Variants in GBE1 observed in about 807,000 individuals in gnomAD.
The protein encoded by GBE1 is 1,4-alpha-glucan branching enzyme 1.
In GBE1, 70 loss-of-function variants were observed where a neutral mutation model predicts 88.8. That is an observed-to-expected ratio of 0.79 (90% CI 0.65 to 0.96). GBE1 has a LOEUF of 0.96. Ranked by LOEUF, GBE1 falls within the 40% of genes least tolerant of loss-of-function variation. The pLI, the probability that GBE1 is intolerant of heterozygous loss-of-function variation, is 0.00. For missense variants in GBE1, 872 were observed against 871.0 expected (o/e 1.00, Z -0.01); for synonymous variants, 284 against 300.1 (o/e 0.95, Z 0.56).
intron 7 of GBE1, among the ~76,000 whole-genome samples, chr3:81,621,984 G>A (rs1179344395): frequency 1.3e-5 from 2 of 152,068 alleles, no homozygotes; most frequent in Non-Finnish European, 2.9e-5. Context: ...AATTGCCCCT[G>A]CATTTTTCTA....
At chr3:81,729,311 G>A (rs1243047149) in intron 1 of GBE1, among the ~76,000 whole-genome samples, 2 of 152,104 alleles carry the variant, frequency 1.3e-5, no homozygotes, top group Non-Finnish European at 2.9e-5. Context: ...TCATGGGCAG[G>A]TCCCAGTGGC....
rs1244816374 is a variant in GBE1, at chr3:81,646,085, A to G, written c.782+307T>C. Among the ~76,000 whole-genome samples the G allele has an allele frequency of 2.0e-5, 3 of 152,192 alleles. 1 individual carries two copies. On this transcript the variant is annotated intron_variant, in intron 6 of 15. Coordinates refer to ENST00000429644, the MANE Select transcript of GBE1 (RefSeq NM_000158.4). ...TCCAGAAAACGATGTGCTCTCTCAC[A>G]ATAATGGCTTTCATAGGAAAAGATT...
At chr3:81,622,007 G>A (rs913254328) in intron 7 of GBE1, among the ~76,000 whole-genome samples, 2 of 152,108 alleles carry the variant, frequency 1.3e-5, no homozygotes, top group Non-Finnish European at 2.9e-5. Flanking sequence ...AACCCTATCA[G>A]CTAAATCCCA....
At chr3:81,639,351 A>T (rs66567246) in intron 7 of GBE1, among the ~76,000 whole-genome samples, 42,035 of 109,102 alleles carry the variant, frequency 0.39, 5,978 homozygotes, top group East Asian at 0.5. Context: ...ATTTTTTTTT[A>T]AAAAAAATGG....
chr3:81,553,353 T>C (rs1389736778), intron 12 of GBE1, among the ~76,000 whole-genome samples: 1 of 152,096 alleles, frequency 6.6e-6, no homozygotes, highest in Non-Finnish European at 1.5e-5. Flanking sequence ...TCTTTACTAA[T>C]GAAAGTATTT....
Position 81,743,556 on chromosome 3 carries a change from C to T in GBE1, c.143+17819G>A, listed in dbSNP as rs928564595. 11 of 1,532,016 alleles carry T rather than the reference C, an allele frequency of 7.2e-6. No individual in the cohort carries two copies. The African/African-American group carries it at 1.5e-4, about 21-fold the overall frequency. The allele number at this position is 1,532,016 out of a possible 1,614,324, so 94.9% of individuals were successfully genotyped here. On this transcript the variant is annotated intron_variant, in intron 1 of 15. Coordinates refer to ENST00000429644, the MANE Select transcript of GBE1 (RefSeq NM_000158.4). The stretch of plus-strand genomic sequence containing the variant: ...AAATAATGCAAGTCATAATGAGTCA[C>T]CTCACTTTAGCAAGATTCATGGGAC...
intron 7 of GBE1, among the ~76,000 whole-genome samples, chr3:81,614,755 A>T (rs1029399581): frequency 3.3e-5 from 5 of 152,144 alleles, no homozygotes; most frequent in African/African-American, 1.2e-4. Context: ...GCTACTCAGG[A>T]GGCTGAGGCA....
chr3:81,613,082 GA>G, intron 7 of GBE1: 1 of 631,814 alleles, frequency 1.6e-6, no homozygotes, highest in Non-Finnish European at 2.4e-6. Flanking sequence ...ATGACTAATA[GA>G]ACACTGATGG....
chr3:81,685,077 G>A (rs1705413573), intron 2 of GBE1, among the ~76,000 whole-genome samples: 1 of 152,190 alleles, frequency 6.6e-6, no homozygotes, highest in Non-Finnish European at 1.5e-5. Context: ...GCAAGCCAGA[G>A]AGACACATAG....
rs146234207 is a variant in GBE1 at position 81,681,854 on chromosome 3, C to T, written c.314-10901G>A. ...GTCAGAACTAAAACTAGAAAACATACGGCAATCTTTGTAATCTCTGTTCTT... is the reference window on the plus strand; with the variant it reads ...GTCAGAACTAAAACTAGAAAACATATGGCAATCTTTGTAATCTCTGTTCTT... On this transcript the variant is annotated intron_variant, in intron 2 of 15. Transcript: ENST00000429644. Among the ~76,000 whole-genome samples, 385 of 152,110 alleles carry T rather than the reference C, an allele frequency of 2.5e-3. 6 individuals carry two copies. The highest frequency in any genetic ancestry group is 8.7e-3 in the African/African-American group (362 of 41,506).
intron 14 of GBE1, among the ~76,000 whole-genome samples, chr3:81,521,766 A>G (rs1303031640): frequency 6.6e-6 from 1 of 151,546 alleles, no homozygotes; most frequent in African/African-American, 2.4e-5. Flanking sequence ...TACTTTTCCA[A>G]GTTTAATGTT....
At position 81,510,778 on chromosome 3, in the gene GBE1, C is replaced by A. The variant is rs528943412; in HGVS notation, c.1935-11551G>T. 2.6e-5 allele frequency among the ~76,000 whole-genome samples: 4 copies of A among 151,986 alleles called. No homozygotes were observed. In the South Asian group the frequency reaches 6.2e-4, roughly 24 times the overall value. On this transcript the variant is annotated intron_variant, in intron 14 of 15. Transcript: ENST00000429644. ...AAAGGGAGTTTTAAACACACATGCACGGGGATATTTTATACAAACTTTCAG... is the reference window on the plus strand; with the variant it reads ...AAAGGGAGTTTTAAACACACATGCAAGGGGATATTTTATACAAACTTTCAG...
chr3:81,755,620 C>G (rs193049826), intron 1 of GBE1, among the ~76,000 whole-genome samples: 5 of 152,194 alleles, frequency 3.3e-5, no homozygotes, highest in Non-Finnish European at 5.9e-5. Flanking sequence ...TATATATACA[C>G]AATGGAATAT....
intron 3 of GBE1, among the ~76,000 whole-genome samples, chr3:81,657,596 T>C (rs1193253067): frequency 2.0e-5 from 3 of 152,114 alleles, no homozygotes; most frequent in Non-Finnish European, 4.4e-5. Context: ...AAACTGTACA[T>C]AGTTAATCGG....
chr3:81,646,522 T>A (rs62265454), intron 5 of GBE1, 40 bp from the exon 6 acceptor site: 1 of 1,125,172 alleles, frequency 8.9e-7, no homozygotes. Flanking sequence ...AAAAGCCACA[T>A]TTAAAAAAAA....
intron 3 of GBE1, 98 bp from the exon 4 acceptor site, chr3:81,650,019 T>C: frequency 1.1e-6 from 1 of 917,340 alleles, no homozygotes; most frequent in Non-Finnish European, 1.7e-6. Flanking sequence ...AAAGGAGGAC[T>C]GATCTTAAGA....
intron 14 of GBE1, among the ~76,000 whole-genome samples, chr3:81,520,984 C>T (rs1298882435): frequency 6.6e-6 from 1 of 151,594 alleles, no homozygotes; most frequent in African/African-American, 2.4e-5. Context: ...TCTCAGTTTT[C>T]CAAACGTATT....
At chr3:81,640,234 A>G (rs776456807) in intron 7 of GBE1, among the ~76,000 whole-genome samples, 2 of 150,908 alleles carry the variant, frequency 1.3e-5, no homozygotes, top group Non-Finnish European at 2.9e-5. Context: ...GGAGATTAAC[A>G]TTTGAGTCAG....
chr3:81,737,568 G>A (rs1005970294), intron 1 of GBE1, among the ~76,000 whole-genome samples: 4 of 150,698 alleles, frequency 2.7e-5, no homozygotes, highest in African/African-American at 7.3e-5. Context: ...TACTGAAATT[G>A]AGAGTAAGCA....
Sources: gnomAD v4.1 joint callset for allele counts (sites outside exome capture counted in the v4.1 genomes callset) on GRCh38, gnomAD v4.1.1 for gene constraint, MANE v1.5 for transcripts, NCBI Gene and HGNC (gene_info 2026-07-23, HGNC 2026-07-21) for gene names.